GRAP2: variants seen among roughly 807,000 people sequenced by gnomAD.
GRAP2 encodes the protein GRB2-related adapter protein 2.
In GRAP2, 31 loss-of-function variants were observed where a neutral mutation model predicts 43.5. That is an observed-to-expected ratio of 0.71 (90% CI 0.54 to 0.96). The LOEUF is 0.96. Among genes scored for constraint, GRAP2 ranks in the 40% least tolerant of loss-of-function variants. The probability of loss-of-function intolerance (pLI) is 0.00; values close to 1 mark genes in which losing one functional copy is unlikely to be tolerated. For synonymous variants in GRAP2, 156 were observed against 164.8 expected, an observed-to-expected ratio of 0.95 and a Z score of 0.41; for missense variants, 371 against 424.4, an observed-to-expected ratio of 0.87 and a Z score of 1.11.
chr22:39,959,685 A>C (rs1007447398), intron 3 of GRAP2, among the ~76,000 whole-genome samples: 2 of 152,020 alleles, frequency 1.3e-5, no homozygotes, highest in African/African-American at 4.8e-5. Flanking sequence ...TCCCCAGTGC[A>C]TCCTCTGTCC....
chr22:39,908,454 G>C (rs1223964523), intron 1 of GRAP2, among the ~76,000 whole-genome samples: 1 of 152,212 alleles, frequency 6.6e-6, no homozygotes, highest in African/African-American at 2.4e-5. Flanking sequence ...CTCTTGGGTA[G>C]TTCAGGGAGT....
intron 1 of GRAP2, among the ~76,000 whole-genome samples, chr22:39,905,907 A>G (rs2066519852): frequency 6.6e-6 from 1 of 152,164 alleles, no homozygotes; most frequent in Non-Finnish European, 1.5e-5. Context: ...GTTATTGAAA[A>G]TCCGGGAGGT....
At chr22:39,948,014 C>T (rs2066941690) in intron 2 of GRAP2, 1 of 152,312 alleles carries the variant, frequency 6.6e-6, no homozygotes, top group East Asian at 1.9e-4. Flanking sequence ...CTCAGATAGC[C>T]TGATCCCTGG....
At chr22:39,959,725 T>C (rs118033792) in intron 3 of GRAP2, among the ~76,000 whole-genome samples, 9,422 of 152,272 alleles carry the variant, frequency 0.062, 405 homozygotes, top group Middle Eastern at 0.1. Flanking sequence ...CTTCCGCAGC[T>C]GCCGGCAGGC....
chr22:39,933,068 A>G (rs2066772250), intron 1 of GRAP2, among the ~76,000 whole-genome samples: 1 of 152,248 alleles, frequency 6.6e-6, no homozygotes, highest in South Asian at 2.1e-4. Context: ...AAGTGAGACC[A>G]TGGGGTATGA....
At chr22:39,968,870 G>T (rs914869624) in intron 6 of GRAP2, among the ~76,000 whole-genome samples, 1 of 152,076 alleles carries the variant, frequency 6.6e-6, no homozygotes. Flanking sequence ...AACCCCCCAC[G>T]CTGCCTTAGT....
intron 1 of GRAP2, among the ~76,000 whole-genome samples, chr22:39,901,579 C>T (rs1184153855): frequency 6.6e-6 from 1 of 152,202 alleles, no homozygotes; most frequent in Admixed American, 6.5e-5. Flanking sequence ...AAAATCTCCA[C>T]AAACTGGCTT....
chr22:39,934,164 A>G (rs1240078121), intron 1 of GRAP2, among the ~76,000 whole-genome samples: 1 of 152,208 alleles, frequency 6.6e-6, no homozygotes, highest in Non-Finnish European at 1.5e-5. Flanking sequence ...ATATAAGAAA[A>G]GGGCCACAGG....
upstream of GRAP2, among the ~76,000 whole-genome samples, chr22:39,896,906 A>C (rs1256907186): frequency 6.6e-6 from 1 of 152,168 alleles, no homozygotes; most frequent in Non-Finnish European, 1.5e-5. Flanking sequence ...AAGTGAACAC[A>C]GTTTGCTTCA....
At chr22:39,949,667 C>G (rs1336550475) in intron 2 of GRAP2, among the ~76,000 whole-genome samples, 3 of 152,188 alleles carry the variant, frequency 2.0e-5, no homozygotes, top group Admixed American at 6.5e-5. Context: ...TCATCTGCCC[C>G]CTTTGAGCTT....
At chr22:39,944,576 G>A (rs1485913226) in intron 1 of GRAP2, among the ~76,000 whole-genome samples, 1 of 152,174 alleles carries the variant, frequency 6.6e-6, no homozygotes, top group Non-Finnish European at 1.5e-5. Flanking sequence ...TACAAGCTGG[G>A]GAGCTCTGTG....
intron 1 of GRAP2, among the ~76,000 whole-genome samples, chr22:39,919,416 G>A (rs1477924300): frequency 6.6e-6 from 1 of 151,930 alleles, no homozygotes; most frequent in Non-Finnish European, 1.5e-5. Context: ...GCAGTTTTAA[G>A]GTTTCTAATT....
chr22:39,906,087 G>GA lies in GRAP2; in HGVS notation c.-15+4763dup, dbSNP rs200721749. 7.0e-3 allele frequency among the ~76,000 whole-genome samples: 1,069 copies of GA among 152,196 alleles called. 16 individuals are homozygous for GA. The highest frequency in any genetic ancestry group is 0.025 in the African/African-American group (1,018 of 41,524). On this transcript the variant is annotated intron_variant, in intron 1 of 7. Coordinates refer to ENST00000344138, the MANE Select transcript of GRAP2 (RefSeq NM_004810.4). ...TAGGAGAACTATGAAGTAATGGGGG[G>GA]AAAAAATCCCTGAAAGGAACAATAC...
intron 1 of GRAP2, among the ~76,000 whole-genome samples, chr22:39,916,508 T>A (rs963600450): frequency 9.9e-5 from 15 of 152,276 alleles, no homozygotes; most frequent in Non-Finnish European, 2.1e-4. Flanking sequence ...TAAAGTGTTT[T>A]ATATTTTAAA....
intron 7 of GRAP2, 61 bp from the exon 8 acceptor site, chr22:39,970,844 A>T (rs552020351): frequency 5.7e-4 from 787 of 1,384,328 alleles, no homozygotes; most frequent in Non-Finnish European, 7.4e-4. Flanking sequence ...GAGCCAGCAG[A>T]CCCTCCCCTG....
chr22:39,925,043 G>A (rs1326986108), intron 1 of GRAP2, among the ~76,000 whole-genome samples: 1 of 152,188 alleles, frequency 6.6e-6, no homozygotes, highest in African/African-American at 2.4e-5. Flanking sequence ...CAAAGCTCAG[G>A]TGGGGGTTAC....
At chr22:39,939,992 G>T (rs560344671) in intron 1 of GRAP2, among the ~76,000 whole-genome samples, 1 of 152,120 alleles carries the variant, frequency 6.6e-6, no homozygotes, top group Non-Finnish European at 1.5e-5. Context: ...AGCACTGGTG[G>T]GGGGCCCAGG....
At chr22:39,917,873 G>A (rs1055478178) in intron 1 of GRAP2, among the ~76,000 whole-genome samples, 5 of 152,150 alleles carry the variant, frequency 3.3e-5, no homozygotes, top group African/African-American at 7.2e-5. Context: ...ACAGAAAGGA[G>A]ATTGTGGTTC....
chr22:39,945,260 T>A lies in GRAP2; in HGVS notation c.-14-1833T>A, dbSNP rs546383968. On this transcript the variant is annotated intron_variant, in intron 1 of 7. Transcript: ENST00000344138. ...TTGACTCAAAGAGTTAACTGTGACA[T>A]TTTACTTTGGCTCCTGGTCTATTTT... Among the ~76,000 whole-genome samples the A allele has an allele frequency of 1.2e-4, 18 of 152,354 alleles. No homozygotes were observed. In the East Asian group the frequency reaches 2.7e-3, roughly 23 times the overall value.
Sources: gnomAD v4.1 joint callset for allele counts (sites outside exome capture counted in the v4.1 genomes callset) on GRCh38, gnomAD v4.1.1 for gene constraint, MANE v1.5 for transcripts, NCBI Gene and HGNC (gene_info 2026-07-23, HGNC 2026-07-21) for gene names.